The following RASSF2 variants were observed in gnomAD, a reference collection of about 807,000 sequenced individuals.
RASSF2 encodes the protein ras association domain-containing protein 2.
In RASSF2, 34 loss-of-function variants were observed where a neutral mutation model predicts 46.3. The observed-to-expected ratio is 0.73, with a 90% confidence interval of 0.56 to 0.98. The LOEUF (loss-of-function observed/expected upper bound fraction) is 0.98, where lower values mean the gene tolerates loss of function less well. RASSF2 is among the 50% of genes least tolerant of loss of function. RASSF2 has a pLI of 0.00. For synonymous variants in RASSF2, 158 were observed against 162.5 expected (o/e 0.97, Z 0.21); for missense variants, 364 against 431.2 (o/e 0.84, Z 1.38).
Position 4,790,520 on chromosome 20 carries a change from C to T in RASSF2, c.468G>A (p.Arg156=). The part of the protein sequence containing the change: ...DVGVRRRGNV[R]TPSDQRRIRR... The stretch of plus-strand genomic sequence containing the variant: ...TGATTCGCCGCTGGTCACTAGGCGT[C>T]CTCACATTGCCACGGCGACGCACCC... Residue 156 remains arginine, a synonymous_variant, in exon 7 of 12, where the codon AGG becomes AGA. Coordinates refer to ENST00000379400, the MANE Select transcript of RASSF2 (RefSeq NM_014737.3). This position sits in a 1 kb window ranked among gnomAD's most constrained non-coding sequence, Gnocchi z 4.3. The T allele has an allele frequency of 6.5e-7, 1 of 1,532,640 alleles. No individual in the cohort carries two copies. The highest frequency in any genetic ancestry group is 8.7e-7 in the Non-Finnish European group (1 of 1,145,856). 94.9% of individuals were successfully genotyped at this position (1,532,640 alleles called of 1,614,324 possible).
rs1393977952 is a variant in RASSF2, at chr20:4,812,798, G to C, written c.-33+9531C>G. ...CTCAGAGGTTAGGTGGCTTGTCCCAGGTGGCACAGCCGACATGCAGCCCAG... is the reference window on the plus strand; with the variant it reads ...CTCAGAGGTTAGGTGGCTTGTCCCACGTGGCACAGCCGACATGCAGCCCAG... On this transcript the variant is annotated intron_variant, in intron 2 of 11. Coordinates refer to ENST00000379400, the MANE Select transcript of RASSF2 (RefSeq NM_014737.3). This position sits in a 1 kb window ranked among gnomAD's most constrained non-coding sequence, Gnocchi z 4.0. Among the ~76,000 whole-genome samples, 1 of 152,200 alleles carries C rather than the reference G, an allele frequency of 6.6e-6. No homozygotes were observed. Among genetic ancestry groups the C allele is most frequent in the Non-Finnish European group, 1.5e-5 (1 of 68,028 alleles).
chr20:4,817,903 T>C (rs1348007009), intron 2 of RASSF2, among the ~76,000 whole-genome samples: 1 of 152,180 alleles, frequency 6.6e-6, no homozygotes, highest in Non-Finnish European at 1.5e-5. Context: ...AGAAGGGACA[T>C]ATGGAATCAT....
chr20:4,781,085 G>A lies in RASSF2; in HGVS notation c.*3188C>T, dbSNP rs984955279. 5.3e-5 allele frequency: 8 copies of A among 152,108 alleles called. No homozygotes were observed. Among genetic ancestry groups the A allele is most frequent in the African/African-American group, 1.4e-4 (6 of 41,418 alleles). The allele number at this position is 152,108 out of a possible 1,614,324, so 9.4% of individuals were successfully genotyped here. ...GTTTTTGGTTGTTTTGTTGTTGGTG[G>A]TGGTTTCTTTAAAGAGAATTCCCTT... On this transcript the variant is annotated 3_prime_UTR_variant, in exon 12 of 12. Transcript: ENST00000379400.
intron 2 of RASSF2, among the ~76,000 whole-genome samples, chr20:4,809,977 C>T (rs1167882268): frequency 1.3e-5 from 2 of 152,178 alleles, no homozygotes; most frequent in African/African-American, 2.4e-5. Context: ...AAACGTGTGC[C>T]GCTAAGACCC....
chr20:4,784,898 G>T (rs547847901), intron 11 of RASSF2, among the ~76,000 whole-genome samples: 2 of 152,296 alleles, frequency 1.3e-5, no homozygotes, highest in South Asian at 4.1e-4. Flanking sequence ...GTTTTCCCAC[G>T]ACTTCCCTGA....
rs1925685119 is a variant in RASSF2 at position 4,789,613 on chromosome 20, G to A, written c.622C>T (p.Leu208=). 6.2e-7 allele frequency: 1 copy of A among 1,614,064 alleles called. No individual in the cohort carries two copies. The highest frequency in any genetic ancestry group is 1.1e-5 in the South Asian group (1 of 91,086). The change falls in exon 8 of 12, where the codon CTG becomes TTG. Residue 208 remains leucine, a synonymous_variant. Coordinates refer to ENST00000379400, the MANE Select transcript of RASSF2 (RefSeq NM_014737.3). The part of the protein sequence containing the change: ...TMTTPQVLKL[L]LNKFKIENSA... ...GAACTTGCCTTAAATTTGTTGAGCA[G>A]CAGCTTCAGGACCTGTGGGGTGGTC...
Position 4,790,749 on chromosome 20 carries a change from GA to G in RASSF2, c.377-139del. 2 of 646,668 alleles carry G rather than the reference GA, an allele frequency of 3.1e-6. No individual in the cohort carries two copies. The highest frequency in any genetic ancestry group is 4.6e-6 in the Non-Finnish European group (2 of 436,876). 40.1% of individuals were successfully genotyped at this position (646,668 alleles called of 1,614,324 possible). A position where few individuals can be genotyped will look rare whatever the true frequency, so the allele number is the denominator to read the frequency against. On this transcript the variant is annotated intron_variant, in intron 6 of 11. Transcript: ENST00000379400. The surrounding 1 kb of genome is among the most constrained non-coding windows in gnomAD (Gnocchi z 4.3). Reference sequence around the variant, plus strand: ...ATACAAATAATATTTTCTGCTGGGGGAAAAACATAATGCAGAATTTACAGAG... The same window carrying G: ...ATACAAATAATATTTTCTGCTGGGGGAAAACATAATGCAGAATTTACAGAG...
chr20:4,790,453 T>C lies in RASSF2; in HGVS notation c.535A>G (p.Lys179Glu). The C allele has an allele frequency of 6.8e-7, 1 of 1,474,704 alleles. No individual in the cohort carries two copies. The highest frequency in any genetic ancestry group is 1.4e-5 in the South Asian group (1 of 70,284). 91.4% of individuals were successfully genotyped at this position (1,474,704 alleles called of 1,614,324 possible). ...CCCCGTCCCCCTGTCCACCTTACCT[T>C]ATGGTTGTAGAAATGGCCGTTGATG... is the stretch of plus-strand genomic sequence containing the variant. Reference protein sequence around the residue: ...FSINGHFYNHKTSVFTPAYGS... With the variant: ...FSINGHFYNHETSVFTPAYGS... The change falls in exon 7 of 12, where the codon AAG becomes GAG. Residue 179 changes from lysine (K) to glutamate (E), a missense_variant and splice_region_variant. Transcript: ENST00000379400. This position sits in a 1 kb window ranked among gnomAD's most constrained non-coding sequence, Gnocchi z 4.3.
chr20:4,784,464 T>C, intron 11 of RASSF2, 122 bp from the exon 12 acceptor site: 1 of 813,800 alleles, frequency 1.2e-6, no homozygotes, highest in Non-Finnish European at 2.1e-6. Flanking sequence ...AGTGCCCTGC[T>C]CCTTTGCTTC....
intron 2 of RASSF2, among the ~76,000 whole-genome samples, chr20:4,806,441 C>T (rs1927348804): frequency 6.6e-6 from 1 of 152,158 alleles, no homozygotes; most frequent in Admixed American, 6.5e-5. Context: ...CCCTCTTCCT[C>T]CCATTCTTGG....
chr20:4,814,115 T>C (rs1928080970), intron 2 of RASSF2, among the ~76,000 whole-genome samples: 2 of 152,172 alleles, frequency 1.3e-5, no homozygotes, highest in African/African-American at 2.4e-5. Context: ...TTTAATGTCC[T>C]ACCTGGGGAA....
intron 2 of RASSF2, among the ~76,000 whole-genome samples, chr20:4,820,126 T>C (rs1447789011): frequency 6.6e-6 from 1 of 152,168 alleles, no homozygotes; most frequent in Non-Finnish European, 1.5e-5. Flanking sequence ...CACGGCCATG[T>C]GGTCCACAGT....
intron 2 of RASSF2, among the ~76,000 whole-genome samples, chr20:4,810,711 T>C (rs13043788): frequency 0.38 from 57,621 of 151,934 alleles, 11,145 homozygotes; most frequent in Admixed American, 0.49. Context: ...GAATTGTCTT[T>C]CTGGTTGTAG....
In RASSF2 at chr20:4,802,914, AT is replaced by A. The variant is rs60825053; in HGVS notation, c.-32-1853del. 6.1e-3 allele frequency among the ~76,000 whole-genome samples: 587 copies of A among 95,574 alleles called. 3 individuals are homozygous for A. The highest frequency in any genetic ancestry group is 0.024 in the East Asian group (91 of 3,718). 62.7% of individuals were successfully genotyped at this position (95,574 alleles called of 152,430 possible). ...TATATATACATATATATATATATAT[AT>A]TTTTTTTTTTTGAGACAGAGACTCA... is the stretch of plus-strand genomic sequence containing the variant. On this transcript the variant is annotated intron_variant, in intron 2 of 11. Transcript: ENST00000379400.
At chr20:4,802,913 TA>T (rs765670785) in intron 2 of RASSF2, among the ~76,000 whole-genome samples, 13,665 of 59,914 alleles carry the variant, frequency 0.23, 688 homozygotes, top group East Asian at 0.33. Context: ...TATATATATA[TA>T]TTTTTTTTTT....
At position 4,812,445 on chromosome 20, in the gene RASSF2, G is replaced by A. The variant is rs1315532592; in HGVS notation, c.-33+9884C>T. Among the ~76,000 whole-genome samples the A allele has an allele frequency of 1.3e-5, 2 of 152,226 alleles. No individual in the cohort carries two copies. The highest frequency in any genetic ancestry group is 6.5e-5 in the Admixed American group (1 of 15,282). ...GGTGCAGGTGCCAAGCGGAACCCCT[G>A]TAGACTACAGCTTCTCTTGAGGTGA... On this transcript the variant is annotated intron_variant, in intron 2 of 11. Coordinates refer to ENST00000379400, the MANE Select transcript of RASSF2 (RefSeq NM_014737.3). This position sits in a 1 kb window ranked among gnomAD's most constrained non-coding sequence, Gnocchi z 4.0.
chr20:4,780,287 C>T lies in RASSF2; in HGVS notation c.*3986G>A, dbSNP rs1330850432. The T allele has an allele frequency of 6.6e-6, 1 of 152,214 alleles. No individual in the cohort carries two copies. Among genetic ancestry groups the T allele is most frequent in the Non-Finnish European group, 1.5e-5 (1 of 68,044 alleles). The allele number at this position is 152,214 out of a possible 1,614,324, so 9.4% of individuals were successfully genotyped here. The stretch of plus-strand genomic sequence containing the variant: ...AACGCTAGCAATTACACACCAGAAA[C>T]ATCAGCCTGGAAACAGGTCTGCGAT... On this transcript the variant is annotated 3_prime_UTR_variant, in exon 12 of 12. Coordinates refer to ENST00000379400, the MANE Select transcript of RASSF2 (RefSeq NM_014737.3).
intron 10 of RASSF2, 41 bp from the exon 11 acceptor site, chr20:4,786,369 G>A: frequency 6.9e-7 from 1 of 1,442,098 alleles, no homozygotes; most frequent in African/African-American, 1.4e-5. Context: ...GCCCTTCCCA[G>A]CATTATTCCA....
chr20:4,809,362 C>T (rs967111418), intron 2 of RASSF2, among the ~76,000 whole-genome samples: 3 of 152,090 alleles, frequency 2.0e-5, no homozygotes, highest in African/African-American at 7.3e-5. Context: ...CCATGCTCCC[C>T]CTCAGACCCA....
Sources: gnomAD v4.1 joint callset for allele counts (sites outside exome capture counted in the v4.1 genomes callset) on GRCh38, gnomAD v4.1.1 for gene constraint, Gnocchi (gnomAD v3.1) non-coding constraint, MANE v1.5 for transcripts, NCBI Gene and HGNC (gene_info 2026-07-23, HGNC 2026-07-21) for gene names.